The following AGAP1 variants were observed in gnomAD, a reference collection of about 807,000 sequenced individuals.
AGAP1 encodes the protein arf-GAP with GTPase, ANK repeat and PH domain-containing protein 1.
In AGAP1, 29 loss-of-function variants were observed where a neutral mutation model predicts 105.3. That is an observed-to-expected ratio of 0.28 (90% CI 0.21 to 0.38). The LOEUF is 0.38. AGAP1 is among the 10% of genes least tolerant of loss of function. The pLI is 1.00. For missense variants in AGAP1, 998 were observed against 1,165.1 expected (o/e 0.86, Z 2.09); for synonymous variants, 509 against 485.9 (o/e 1.05, Z -0.63).
At position 235,866,357 on chromosome 2, in the gene AGAP1, C is replaced by A. The variant is rs779463069; in HGVS notation, c.1051-16988C>A. Among the ~76,000 whole-genome samples the A allele has an allele frequency of 1.2e-4, 18 of 152,076 alleles. No individual in the cohort carries two copies. Among genetic ancestry groups the A allele is most frequent in the Non-Finnish European group, 2.5e-4 (17 of 68,020 alleles). ...GAGGGAGACAATCCGTGTGTGTGAT[C>A]GGGGTGTTCTGGACTTGAGGTACCT... On this transcript the variant is annotated intron_variant, in intron 9 of 17. Coordinates refer to ENST00000304032, the MANE Select transcript of AGAP1 (RefSeq NM_001037131.3). This position sits in a 1 kb window ranked among gnomAD's most constrained non-coding sequence, Gnocchi z 6.1.
intron 9 of AGAP1, among the ~76,000 whole-genome samples, chr2:235,817,377 C>T (rs1958518226): frequency 1.3e-5 from 2 of 152,052 alleles, no homozygotes; most frequent in African/African-American, 4.8e-5. Context: ...CCTTTTGAGG[C>T]TTTTCAGGAA....
chr2:235,949,272 T>C (rs911611504), intron 12 of AGAP1, among the ~76,000 whole-genome samples: 1 of 152,166 alleles, frequency 6.6e-6, no homozygotes, highest in Non-Finnish European at 1.5e-5. Context: ...ACTCAAAAAT[T>C]TTCAGATTTC....
chr2:235,670,380 C>T lies in AGAP1; in HGVS notation c.164-38799C>T, dbSNP rs1413070674. The T allele has an allele frequency of 2.2e-5, 12 of 551,992 alleles. No individual in the cohort carries two copies. In the East Asian group the frequency reaches 3.3e-4, roughly 15 times the overall value. 34.2% of individuals were successfully genotyped at this position (551,992 alleles called of 1,614,324 possible). A position where few individuals can be genotyped will look rare whatever the true frequency, so the allele number is the denominator to read the frequency against. On this transcript the variant is annotated intron_variant, in intron 1 of 17. Coordinates refer to ENST00000304032, the MANE Select transcript of AGAP1 (RefSeq NM_001037131.3). ...CGGCCGCGCGCTTGGGATTTCCGCA[C>T]CTTCCGCACCCGCAGCACCGGGCAG...
intron 2 of AGAP1, among the ~76,000 whole-genome samples, chr2:235,709,618 T>C (rs1328001315): frequency 6.6e-6 from 1 of 152,018 alleles, no homozygotes; most frequent in South Asian, 2.1e-4. Flanking sequence ...ATGGATTGAT[T>C]TGTTCTTTGC....
rs1256069106 is a variant in AGAP1, at chr2:236,083,572, G to A, written c.2114+34291G>A. 1.4e-4 allele frequency among the ~76,000 whole-genome samples: 22 copies of A among 152,130 alleles called. No individual in the cohort carries two copies. Reference sequence around the variant, plus strand: ...TGGAATTCCGTATAAATGTGTGCATGCTCACACCCATGCCTACATTAGAAA... The same window carrying A: ...TGGAATTCCGTATAAATGTGTGCATACTCACACCCATGCCTACATTAGAAA... On this transcript the variant is annotated intron_variant, in intron 16 of 17. Transcript: ENST00000304032. The surrounding 1 kb of genome is among the most constrained non-coding windows in gnomAD (Gnocchi z 5.3).
At chr2:235,677,443 A>C (rs1948800543) in intron 1 of AGAP1, among the ~76,000 whole-genome samples, 1 of 152,124 alleles carries the variant, frequency 6.6e-6, no homozygotes, top group South Asian at 2.1e-4. Flanking sequence ...GGTCTGTGGG[A>C]GTGGAAGGGA....
chr2:235,674,898 A>G (rs1419555723), intron 1 of AGAP1, among the ~76,000 whole-genome samples: 1 of 151,994 alleles, frequency 6.6e-6, no homozygotes, highest in Non-Finnish European at 1.5e-5. Context: ...CATGTTGGCC[A>G]GGATGGTCTC....
Position 235,705,068 on chromosome 2 carries a change from T to A in AGAP1, c.164-4111T>A, listed in dbSNP as rs1950471808. 7.8e-6 allele frequency among the ~76,000 whole-genome samples: 1 copy of A among 128,530 alleles called. No homozygotes were observed. Among genetic ancestry groups the A allele is most frequent in the Non-Finnish European group, 1.6e-5 (1 of 63,254 alleles). 84.3% of individuals were successfully genotyped at this position (128,530 alleles called of 152,430 possible). ...ATCTCGGCTCGCTGCAACCTCTACC[T>A]CCCGGGTTCAAGCACTTCTCCTGCC... On this transcript the variant is annotated intron_variant, in intron 1 of 17. Transcript: ENST00000304032. This position sits in a 1 kb window ranked among gnomAD's most constrained non-coding sequence, Gnocchi z 4.9.
At chr2:236,010,981 A>C (rs1300596706) in intron 13 of AGAP1, among the ~76,000 whole-genome samples, 1 of 152,152 alleles carries the variant, frequency 6.6e-6, no homozygotes, top group African/African-American at 2.4e-5. Context: ...TGGGAGGTGG[A>C]GCTTGCAGTG....
At chr2:235,761,513 C>T (rs1226582396) in intron 6 of AGAP1, among the ~76,000 whole-genome samples, 1 of 152,030 alleles carries the variant, frequency 6.6e-6, no homozygotes, top group Non-Finnish European at 1.5e-5. Context: ...TGTGTTTTGC[C>T]CCAGGACTTC....
In AGAP1 at chr2:235,931,568, G is replaced by A. The variant is rs2052722732; in HGVS notation, c.1483+645G>A. On this transcript the variant is annotated intron_variant, in intron 12 of 17. Transcript: ENST00000304032. The surrounding 1 kb of genome is among the most constrained non-coding windows in gnomAD (Gnocchi z 5.6). ...CGAGGGCACCCTGGTGGCTGCAGCA[G>A]GGTTTGCCTGTGGCGTTTTGTCTCT... 6.6e-6 allele frequency among the ~76,000 whole-genome samples: 1 copy of A among 152,054 alleles called. No homozygotes were observed. Among genetic ancestry groups the A allele is most frequent in the Non-Finnish European group, 1.5e-5 (1 of 68,008 alleles).
At chr2:235,928,787 C>T (rs925422488) in intron 11 of AGAP1, among the ~76,000 whole-genome samples, 3 of 152,264 alleles carry the variant, frequency 2.0e-5, no homozygotes, top group South Asian at 2.1e-4. Context: ...AGGGTGGCTT[C>T]GATGGTGGCA....
chr2:235,709,871 A>G (rs1410184318), intron 2 of AGAP1, among the ~76,000 whole-genome samples: 1 of 152,144 alleles, frequency 6.6e-6, no homozygotes, highest in Non-Finnish European at 1.5e-5. Context: ...GGGCAAGTCT[A>G]ACTTTGAAAC....
intron 16 of AGAP1, among the ~76,000 whole-genome samples, chr2:236,098,957 CG>C (rs1332140440): frequency 6.6e-6 from 1 of 151,750 alleles, no homozygotes; most frequent in Non-Finnish European, 1.5e-5. Context: ...CATCCTAGTG[CG>C]TAAGGACTAG....
Position 235,872,810 on chromosome 2 carries a change from A to T in AGAP1, c.1051-10535A>T, listed in dbSNP as rs1396393583. Among the ~76,000 whole-genome samples the T allele has an allele frequency of 6.6e-6, 1 of 152,056 alleles. No individual in the cohort carries two copies. The highest frequency in any genetic ancestry group is 1.5e-5 in the Non-Finnish European group (1 of 67,994). ...TCCATTTAGCTGCTGCACATGGGGG[A>T]TGCTGAGTGTGTTCAGAGGGGCGTC... On this transcript the variant is annotated intron_variant, in intron 9 of 17. Transcript: ENST00000304032. The surrounding 1 kb of genome is among the most constrained non-coding windows in gnomAD (Gnocchi z 4.5).
At chr2:235,812,385 A>G (rs1958195543) in intron 9 of AGAP1, among the ~76,000 whole-genome samples, 2 of 152,186 alleles carry the variant, frequency 1.3e-5, no homozygotes, top group African/African-American at 4.8e-5. Context: ...TTTGATTCTC[A>G]GTTGAGTAGA....
chr2:235,870,448 G>A (rs547552246), intron 9 of AGAP1, among the ~76,000 whole-genome samples: 9 of 152,226 alleles, frequency 5.9e-5, no homozygotes, highest in Admixed American at 1.3e-4. Context: ...CCAACATGGC[G>A]AAACCCTGTC....
intron 15 of AGAP1, among the ~76,000 whole-genome samples, chr2:236,043,746 G>T (rs1448790913): frequency 1.6e-5 from 2 of 124,512 alleles, no homozygotes; most frequent in African/African-American, 6.5e-5. Context: ...AGTGGGGGGG[G>T]TGCTTAATTG....
chr2:235,907,510 T>C (rs1438616253), intron 10 of AGAP1, among the ~76,000 whole-genome samples: 1 of 152,202 alleles, frequency 6.6e-6, no homozygotes, highest in Non-Finnish European at 1.5e-5. Context: ...GACAAATTTA[T>C]TGGTTTTCAC....
Sources: gnomAD v4.1 joint callset for allele counts (sites outside exome capture counted in the v4.1 genomes callset) on GRCh38, gnomAD v4.1.1 for gene constraint, Gnocchi (gnomAD v3.1) non-coding constraint, MANE v1.5 for transcripts, NCBI Gene and HGNC (gene_info 2026-07-23, HGNC 2026-07-21) for gene names.